The following CASP9 variants were observed in gnomAD, a reference collection of about 807,000 sequenced individuals.
CASP9 encodes caspase 9.
A neutral mutation model predicts 43.5 loss-of-function variants in CASP9; 29 were observed. The ratio of observed to expected loss-of-function variants is 0.67; its 90% CI spans 0.50 to 0.91. The LOEUF (loss-of-function observed/expected upper bound fraction) is 0.91, where lower values mean the gene tolerates loss of function less well. CASP9 is among the 40% of genes least tolerant of loss of function. CASP9 has a pLI of 0.00. For missense variants in CASP9, 575 were observed against 537.4 expected (o/e 1.07, Z -0.69); for synonymous variants, 206 against 211.9 (o/e 0.97, Z 0.24).
At chr1:15,493,488 G>GTACA in intron 8 of CASP9, 1 of 1,306,742 alleles carries the variant, frequency 7.7e-7, no homozygotes, top group Non-Finnish European at 9.7e-7. Flanking sequence ...AGAAGGCGAT[G>GTACA]TACAAGGAGG....
rs1708944405 is a variant in CASP9, at chr1:15,492,924, A to G, written c.*19T>C. ...AAAGCTTTGGGGTGCAAGATAAGGC[A>G]GGGTGAGGGGCCCTGGCCTTATGAT... On this transcript the variant is annotated 3_prime_UTR_variant, in exon 9 of 9. Coordinates refer to ENST00000333868, the MANE Select transcript of CASP9 (RefSeq NM_001229.5). 6.2e-7 allele frequency: 1 copy of G among 1,612,810 alleles called. No homozygotes were observed. Among genetic ancestry groups the G allele is most frequent in the Non-Finnish European group, 8.5e-7 (1 of 1,179,992 alleles).
intron 5 of CASP9, among the ~76,000 whole-genome samples, chr1:15,505,517 T>C (rs1052453769): frequency 2.0e-5 from 3 of 152,190 alleles, no homozygotes; most frequent in Non-Finnish European, 2.9e-5. Context: ...TCTGTCCAAC[T>C]CCTCAACTTA....
chr1:15,496,172 A>T (rs1431159369), intron 6 of CASP9, among the ~76,000 whole-genome samples: 3 of 137,816 alleles, frequency 2.2e-5, no homozygotes, highest in Non-Finnish European at 4.7e-5. Flanking sequence ...ACCCTACATC[A>T]TCATCTCAAT....
chr1:15,510,004 C>T (rs938744632), intron 2 of CASP9, among the ~76,000 whole-genome samples: 11 of 152,120 alleles, frequency 7.2e-5, no homozygotes, highest in African/African-American at 2.4e-4. Context: ...GATCTTGCCT[C>T]GCTGCAACTT....
rs537322220 is a variant in CASP9 at position 15,497,231 on chromosome 1, A to T, written c.869-1779T>A. On this transcript the variant is annotated intron_variant, in intron 6 of 8. Transcript: ENST00000333868. The stretch of plus-strand genomic sequence containing the variant: ...GAGGCTGAGGCAGGAAAATCACTTG[A>T]ATCCAGGAGGCGGAGGTTGCAGTGA... Among the ~76,000 whole-genome samples, 8 of 151,664 alleles carry T rather than the reference A, an allele frequency of 5.3e-5. No individual in the cohort carries two copies. In the East Asian group the frequency reaches 1.5e-3, roughly 29 times the overall value.
rs1708898086 is a variant in CASP9, at chr1:15,491,655, G to A, written c.*1288C>T. On this transcript the variant is annotated 3_prime_UTR_variant, in exon 9 of 9. Coordinates refer to ENST00000333868, the MANE Select transcript of CASP9 (RefSeq NM_001229.5). ...CACCTGTAGTCCAAGCTACTCAGGT[G>A]GCTGAGGTGGAAGGATCTCTTGAGC... The A allele has an allele frequency of 4.4e-6, 1 of 226,658 alleles. No individual in the cohort carries two copies. The highest frequency in any genetic ancestry group is 5.0e-5 in the Admixed American group (1 of 19,902). The allele number at this position is 226,658 out of a possible 1,614,324, so 14.0% of individuals were successfully genotyped here.
rs1284603202 is a variant in CASP9, at chr1:15,518,105, C to T, written c.418+5G>A. The T allele has an allele frequency of 1.9e-6, 3 of 1,613,502 alleles. No individual in the cohort carries two copies. The highest frequency in any genetic ancestry group is 4.5e-5 in the East Asian group (2 of 44,868). ...CCACCCACCAATCACTCTCTTGCTA[C>T]TTACCGACATCACCAAATCCTCCAG... On this transcript the variant is annotated splice_donor_5th_base_variant and intron_variant, in intron 2 of 8. Transcript: ENST00000333868.
At chr1:15,524,383 C>T (rs941383471), upstream of CASP9, 68 of 1,370,664 alleles carry the variant, frequency 5.0e-5, no homozygotes, top group Non-Finnish European at 6.1e-5. Flanking sequence ...CCAGGAGTCG[C>T]TCTTGCGTCA....
At chr1:15,493,820 T>C (rs1262494758) in intron 8 of CASP9, 72 bp downstream of exon 8, 1 of 1,544,886 alleles carries the variant, frequency 6.5e-7, no homozygotes, top group African/African-American at 1.4e-5. Context: ...TCACCCCAAA[T>C]CCCCAGCCCC....
At chr1:15,524,682 G>A, upstream of CASP9, 2 of 1,009,474 alleles carry the variant, frequency 2.0e-6, no homozygotes, top group Non-Finnish European at 2.3e-6. Flanking sequence ...TCACCGCCTC[G>A]CCTTCAGGAC....
At chr1:15,520,953 C>G (rs1161296883) in intron 1 of CASP9, among the ~76,000 whole-genome samples, 4 of 152,050 alleles carry the variant, frequency 2.6e-5, no homozygotes, top group East Asian at 1.9e-4. Context: ...GTCAGGAGAT[C>G]GAGACCATCC....
chr1:15,496,155 GA>G (rs1709098322), intron 6 of CASP9, among the ~76,000 whole-genome samples: 2 of 149,894 alleles, frequency 1.3e-5, no homozygotes, highest in South Asian at 2.1e-4. Context: ...ATAAGAGAAT[GA>G]AAAAAACCCT....
intron 1 of CASP9, among the ~76,000 whole-genome samples, chr1:15,518,980 T>C (rs1000143600): frequency 6.6e-6 from 1 of 152,028 alleles, no homozygotes; most frequent in South Asian, 2.1e-4. Flanking sequence ...GTTCAAGCGA[T>C]TATCCTGCCT....
upstream of CASP9, chr1:15,524,389 C>A: frequency 7.3e-7 from 1 of 1,363,260 alleles, no homozygotes; most frequent in African/African-American, 1.6e-5. Flanking sequence ...GTCGCTCTTG[C>A]GTCACCGCCC....
rs1487511919 is a variant in CASP9, at chr1:15,495,406, G to A, written c.915C>T (p.Asp305=). 14 of 1,606,406 alleles carry A rather than the reference G, an allele frequency of 8.7e-6. No individual in the cohort carries two copies. Among genetic ancestry groups the A allele is most frequent in the African/African-American group, 5.4e-5 (4 of 74,586 alleles). The change falls in exon 7 of 9, where the codon GAC becomes GAT. Residue 305 remains aspartate (D), a synonymous_variant. Coordinates refer to ENST00000333868, the MANE Select transcript of CASP9 (RefSeq NM_001229.5). ...GFEVASTSPE[D]ESPGSNPEPD... ...GCTCGGGGTTACTGCCAGGGGACTC[G>A]TCTTCAGGGGAAGTGGAGGCCACCT... is the stretch of plus-strand genomic sequence containing the variant.
intron 6 of CASP9, among the ~76,000 whole-genome samples, chr1:15,503,099 A>C (rs1033469003): frequency 1.3e-5 from 2 of 152,110 alleles, no homozygotes; most frequent in South Asian, 4.1e-4. Context: ...AAATATTATT[A>C]AAGTTGCCTG....
intron 2 of CASP9, among the ~76,000 whole-genome samples, chr1:15,516,730 C>A (rs1293628148): frequency 3.9e-5 from 6 of 152,184 alleles, no homozygotes; most frequent in Admixed American, 3.9e-4. Flanking sequence ...CTAGAAATAT[C>A]CTGCAGTCAG....
At chr1:15,524,312 C>T (rs1435932855), upstream of CASP9, 24 of 1,457,636 alleles carry the variant, frequency 1.6e-5, no homozygotes, top group Non-Finnish European at 2.0e-5. Flanking sequence ...CGCGTCACGG[C>T]CCCGGGTCAG....
chr1:15,494,705 T>C (rs1365037428), intron 7 of CASP9, among the ~76,000 whole-genome samples: 2 of 149,900 alleles, frequency 1.3e-5, no homozygotes, highest in Non-Finnish European at 3.0e-5. Flanking sequence ...CTACTAAAAA[T>C]ACAAAAAATT....
Sources: allele counts gnomAD v4.1 joint callset (sites outside exome capture counted in the v4.1 genomes callset), GRCh38; gene constraint gnomAD v4.1.1; transcripts MANE v1.5; gene names NCBI Gene and HGNC (gene_info 2026-07-23, HGNC 2026-07-21).